RBFOX1: variants seen among roughly 807,000 people sequenced by gnomAD.
RBFOX1 encodes the protein RNA binding protein fox-1 homolog 1.
A neutral mutation model predicts 57.7 loss-of-function variants in RBFOX1; 8 were observed. That is an observed-to-expected ratio of 0.14 (90% confidence interval 0.08 to 0.25). The LOEUF is 0.25. RBFOX1 is among the 10% of genes least tolerant of loss of function. The pLI is 1.00. For synonymous variants in RBFOX1, 326 were observed against 222.4 expected, an observed-to-expected ratio of 1.47 and a Z score of -4.15; for missense variants, 611 against 548.5, an observed-to-expected ratio of 1.11 and a Z score of -1.14.
intron 4 of RBFOX1, among the ~76,000 whole-genome samples, chr16:5,943,647 A>G (rs1204701365): frequency 1.3e-5 from 2 of 152,174 alleles, no homozygotes; most frequent in African/African-American, 4.8e-5. Flanking sequence ...TATCTGTGAA[A>G]TGGAGCTAAT....
At chr16:7,553,357 C>G (rs2087206460) in intron 5 of RBFOX1, among the ~76,000 whole-genome samples, 1 of 152,168 alleles carries the variant, frequency 6.6e-6, no homozygotes, top group Non-Finnish European at 1.5e-5. Context: ...GTTGCTCAGG[C>G]TGGTCTCAAA....
chr16:7,589,392 T>G (rs1220136412), intron 7 of RBFOX1, among the ~76,000 whole-genome samples: 1 of 152,204 alleles, frequency 6.6e-6, no homozygotes, highest in African/African-American at 2.4e-5. Context: ...GATACTGTTT[T>G]TAAGACATCT....
intron 3 of RBFOX1, among the ~76,000 whole-genome samples, chr16:7,002,169 A>C (rs113068418): frequency 6.6e-6 from 1 of 152,052 alleles, no homozygotes; most frequent in Non-Finnish European, 1.5e-5. Flanking sequence ...TCCACCTCTC[A>C]GTGTACTGAC....
In RBFOX1 at chr16:5,481,472, C is replaced by G. The variant is rs529460544; in HGVS notation, c.258+14218C>G. Among the ~76,000 whole-genome samples, 141 of 152,296 alleles carry G rather than the reference C, an allele frequency of 9.3e-4. 2 individuals are homozygous for G. The highest frequency in any genetic ancestry group is 3.2e-3 in the African/African-American group (135 of 41,562). ...GCAGGGTTTATTATGGTAGTAAGTT[C>G]ATGGACCATTTTTGGTTTTCTTGTT... is the stretch of plus-strand genomic sequence containing the variant. On this transcript the variant is annotated intron_variant, in intron 2 of 2. Coordinates refer to the RBFOX1 transcript ENST00000585867.
At chr16:5,458,437 A>G (rs983802831) in intron 1 of RBFOX1, among the ~76,000 whole-genome samples, 1 of 152,184 alleles carries the variant, frequency 6.6e-6, no homozygotes, top group South Asian at 2.1e-4. Flanking sequence ...AGAAATGAGA[A>G]GAAGTGGGAA....
At chr16:5,729,880 C>T (rs1007970468) in intron 3 of RBFOX1, among the ~76,000 whole-genome samples, 2 of 152,154 alleles carry the variant, frequency 1.3e-5, no homozygotes, top group Non-Finnish European at 2.9e-5. Context: ...CAAATCCTAG[C>T]CCCGAGAGCT....
At chr16:6,332,017 G>A (rs760775511) in intron 2 of RBFOX1, among the ~76,000 whole-genome samples, 1 of 152,178 alleles carries the variant, frequency 6.6e-6, no homozygotes, top group Non-Finnish European at 1.5e-5. Flanking sequence ...AGCGATGCCT[G>A]CAGGAGATAG....
At chr16:7,574,374 T>C (rs1402707614) in intron 5 of RBFOX1, among the ~76,000 whole-genome samples, 2 of 152,268 alleles carry the variant, frequency 1.3e-5, no homozygotes, top group African/African-American at 4.8e-5. Context: ...GAGTATTGAC[T>C]CACACGATCA....
intron 2 of RBFOX1, chr16:6,483,217 C>A (rs2095402357): frequency 1.5e-5 from 18 of 1,213,854 alleles, no homozygotes; most frequent in South Asian, 1.4e-4. Flanking sequence ...GCCGGGGAAG[C>A]CGGACCCGGG....
intron 3 of RBFOX1, among the ~76,000 whole-genome samples, chr16:5,612,527 G>C (rs190567526): frequency 1.9e-3 from 284 of 152,352 alleles, no homozygotes; most frequent in African/African-American, 6.5e-3. Flanking sequence ...TCACAAGGTA[G>C]ATAATGGCTC....
At chr16:7,427,202 C>A (rs1697946966) in intron 4 of RBFOX1, among the ~76,000 whole-genome samples, 2 of 152,208 alleles carry the variant, frequency 1.3e-5, no homozygotes, top group South Asian at 4.2e-4. Flanking sequence ...CAACATGGCA[C>A]ATGTATACAT....
chr16:6,120,066 A>G (rs148733164), intron 1 of RBFOX1, among the ~76,000 whole-genome samples: 136 of 152,270 alleles, frequency 8.9e-4, no homozygotes, highest in African/African-American at 3.2e-3. Flanking sequence ...AACTTCTTAC[A>G]TTTAGTATAG....
chr16:6,428,702 A>G (rs992146058), intron 2 of RBFOX1, among the ~76,000 whole-genome samples: 1 of 152,206 alleles, frequency 6.6e-6, no homozygotes, highest in African/African-American at 2.4e-5. Flanking sequence ...ATCTACAGTG[A>G]GAAGAATATT....
chr16:6,507,015 C>T (rs1202868236), intron 2 of RBFOX1, among the ~76,000 whole-genome samples: 2 of 152,074 alleles, frequency 1.3e-5, no homozygotes, highest in Non-Finnish European at 2.9e-5. Flanking sequence ...TGGTAGAGGG[C>T]TCATGACTGC....
intron 1 of RBFOX1, among the ~76,000 whole-genome samples, chr16:5,389,163 C>T (rs1321258624): frequency 6.6e-6 from 1 of 150,926 alleles, no homozygotes; most frequent in Non-Finnish European, 1.5e-5. Flanking sequence ...TGCACTCCAG[C>T]CTGGGCGACA....
intron 3 of RBFOX1, among the ~76,000 whole-genome samples, chr16:7,043,084 A>C (rs1438720646): frequency 1.7e-5 from 2 of 119,074 alleles, no homozygotes; most frequent in African/African-American, 3.6e-5. Flanking sequence ...TGACTGTGCC[A>C]TTCACGGTAT....
At chr16:6,729,698 G>A (rs1707521801) in intron 3 of RBFOX1, among the ~76,000 whole-genome samples, 1 of 152,122 alleles carries the variant, frequency 6.6e-6, no homozygotes. Flanking sequence ...TAGTTTGTTG[G>A]AAGGTAGAGT....
intron 14 of RBFOX1, among the ~76,000 whole-genome samples, chr16:7,702,705 C>T (rs1046172858): frequency 4.6e-5 from 7 of 152,114 alleles, no homozygotes; most frequent in African/African-American, 1.2e-4. Flanking sequence ...TGCTGAAAGC[C>T]GAGCATTTTG....
intron 4 of RBFOX1, among the ~76,000 whole-genome samples, chr16:5,950,518 A>G (rs777002318): frequency 3.3e-5 from 5 of 152,088 alleles, no homozygotes; most frequent in Non-Finnish European, 7.4e-5. Flanking sequence ...TCCACTCCCC[A>G]TTCTTGAGTA....
Sources: allele counts gnomAD v4.1 joint callset (sites outside exome capture counted in the v4.1 genomes callset), GRCh38; gene constraint gnomAD v4.1.1; transcripts MANE v1.5; gene names NCBI Gene and HGNC (gene_info 2026-07-23, HGNC 2026-07-21).